ASPH: variants seen among roughly 807,000 people sequenced by gnomAD.
ASPH encodes aspartate beta-hydroxylase, also known as aspartyl/asparaginyl beta-hydroxylase.
In ASPH, 100 loss-of-function variants were observed where a neutral mutation model predicts 118.4. The ratio of observed to expected loss-of-function variants is 0.84; its 90% CI spans 0.72 to 1.00. The LOEUF is 1.00. ASPH is among the 50% of genes least tolerant of loss of function. The pLI, the probability that ASPH is intolerant of heterozygous loss-of-function variation, is 0.00. For synonymous variants in ASPH, 315 were observed against 325.6 expected (o/e 0.97, Z 0.35); for missense variants, 920 against 919.5 (o/e 1.00, Z -0.01).
chr8:61,553,067 G>A lies in ASPH; in HGVS notation c.1590C>T (p.His530=), dbSNP rs375608999. The change falls in exon 20 of 25, where the codon CAC becomes CAT. Residue 530 remains histidine (H), a synonymous_variant. Transcript: ENST00000379454. ...CAACCCTCTGCATGGCATCCCCCAGGTGGAAATAAAATCTCCCATCATCAG... is the reference window on the plus strand; with the variant it reads ...CAACCCTCTGCATGGCATCCCCCAGATGGAAATAAAATCTCCCATCATCAG... ...PGTDDGRFYF[H]LGDAMQRVGN... 82 of 1,613,550 alleles carry A rather than the reference G, an allele frequency of 5.1e-5. 1 individual carries two copies. Among genetic ancestry groups the A allele is most frequent in the East Asian group, 4.0e-4 (18 of 44,834 alleles).
At chr8:61,675,971 A>AC in intron 3 of ASPH, 2 of 1,532,624 alleles carry the variant, frequency 1.3e-6, no homozygotes, top group Non-Finnish European at 1.7e-6. Flanking sequence ...TAAGATCACA[A>AC]CCACCCCACT....
chr8:61,659,902 T>C (rs993702053), intron 3 of ASPH: 3 of 152,166 alleles, frequency 2.0e-5, no homozygotes, highest in African/African-American at 4.8e-5. Context: ...CATTCTCTTA[T>C]ATTCTTTCAA....
intron 13 of ASPH, among the ~76,000 whole-genome samples, chr8:61,628,718 A>C (rs972844643): frequency 6.6e-6 from 1 of 152,034 alleles, no homozygotes; most frequent in Admixed American, 6.6e-5. Context: ...TGGGTGAGTT[A>C]TCTCTCCTTC....
intron 3 of ASPH, chr8:61,668,093 A>G: frequency 1.4e-6 from 1 of 708,206 alleles, no homozygotes; most frequent in Non-Finnish European, 2.3e-6. Flanking sequence ...AAAACTACTT[A>G]TAACCTAAGT....
chr8:61,646,700 G>T (rs1412624436), intron 6 of ASPH, 50 bp downstream of exon 6: 2 of 1,546,956 alleles, frequency 1.3e-6, no homozygotes, highest in African/African-American at 1.4e-5. Context: ...TCAGTAATTA[G>T]AAGTCATTGA....
intron 5 of ASPH, among the ~76,000 whole-genome samples, chr8:61,650,510 C>T (rs1017582864): frequency 1.3e-5 from 2 of 152,132 alleles, no homozygotes; most frequent in Admixed American, 6.6e-5. Context: ...AACCTTAAAA[C>T]GTTAGTTCCT....
At chr8:61,528,194 G>A (rs1586590663) in intron 21 of ASPH, among the ~76,000 whole-genome samples, 1 of 152,248 alleles carries the variant, frequency 6.6e-6, no homozygotes, top group East Asian at 1.9e-4. Flanking sequence ...GAAGAACAGG[G>A]CAAAGATCGC....
At chr8:61,531,397 G>A (rs1817496457) in intron 21 of ASPH, among the ~76,000 whole-genome samples, 1 of 152,068 alleles carries the variant, frequency 6.6e-6, no homozygotes, top group African/African-American at 2.4e-5. Context: ...TTATTCCTGA[G>A]GAAGGACACA....
chr8:61,507,092 A>G (rs1806897885), intron 24 of ASPH, among the ~76,000 whole-genome samples: 1 of 152,226 alleles, frequency 6.6e-6, no homozygotes, highest in African/African-American at 2.4e-5. Flanking sequence ...AAGATCTAGA[A>G]TTGTTTTCTG....
intron 14 of ASPH, among the ~76,000 whole-genome samples, chr8:61,593,169 A>G (rs1328158325): frequency 2.0e-5 from 3 of 152,222 alleles, no homozygotes; most frequent in African/African-American, 4.8e-5. Flanking sequence ...GAGAAACCCA[A>G]TATGCAGACA....
chr8:61,704,592 T>C (rs1359320955), intron 1 of ASPH, among the ~76,000 whole-genome samples: 1 of 151,978 alleles, frequency 6.6e-6, no homozygotes, highest in Non-Finnish European at 1.5e-5. Flanking sequence ...GCTATATATA[T>C]CTGAAAAGAA....
intron 20 of ASPH, among the ~76,000 whole-genome samples, chr8:61,549,629 A>T (rs987526664): frequency 6.6e-5 from 10 of 152,274 alleles, no homozygotes; most frequent in South Asian, 6.2e-4. Context: ...TAATTTTTTT[A>T]AAAAATAGCA....
intron 3 of ASPH, chr8:61,663,506 GA>G: frequency 1.0e-6 from 1 of 985,368 alleles, no homozygotes; most frequent in Non-Finnish European, 1.2e-6. Flanking sequence ...TAAGACTTAG[GA>G]AGTGAGCTAA....
At chr8:61,613,064 C>A (rs954896747) in intron 14 of ASPH, among the ~76,000 whole-genome samples, 1 of 152,170 alleles carries the variant, frequency 6.6e-6, no homozygotes, top group Non-Finnish European at 1.5e-5. Context: ...TATGGTTAAG[C>A]ACCACTAGAA....
At chr8:61,642,075 T>G (rs1275221678) in intron 10 of ASPH, among the ~76,000 whole-genome samples, 2 of 152,226 alleles carry the variant, frequency 1.3e-5, no homozygotes, top group African/African-American at 4.8e-5. Context: ...GTCTATGCAA[T>G]GCTTGGACAC....
At chr8:61,705,348 A>G (rs2151895642) in intron 1 of ASPH, among the ~76,000 whole-genome samples, 1 of 152,312 alleles carries the variant, frequency 6.6e-6, no homozygotes, top group African/African-American at 2.4e-5. Flanking sequence ...CCCCTGTGAC[A>G]TGCAATTTAC....
chr8:61,567,095 G>T (rs1831967250), intron 17 of ASPH, 73 bp downstream of exon 17: 4 of 1,529,212 alleles, frequency 2.6e-6, no homozygotes, highest in South Asian at 2.5e-5. Context: ...TCTAAGAGAA[G>T]AATACACTCT....
chr8:61,607,440 T>A (rs1224093546), intron 14 of ASPH: 1 of 583,328 alleles, frequency 1.7e-6, no homozygotes. Context: ...TATTCTACCA[T>A]GACCAACTCA....
intron 13 of ASPH, chr8:61,626,407 T>G: frequency 1.6e-6 from 2 of 1,260,168 alleles, no homozygotes; most frequent in South Asian, 5.6e-5. Context: ...GTGTTTGTTT[T>G]TAAGGACAAC....
Sources: allele counts gnomAD v4.1 joint callset (sites outside exome capture counted in the v4.1 genomes callset), GRCh38; gene constraint gnomAD v4.1.1; transcripts MANE v1.5; gene names NCBI Gene and HGNC (gene_info 2026-07-23, HGNC 2026-07-21).